Variants in TMED3 observed in about 807,000 individuals in gnomAD.
TMED3 encodes transmembrane emp24 domain-containing protein 3.
In TMED3, 9 loss-of-function variants were observed where a neutral mutation model predicts 15.0. The observed-to-expected ratio is 0.60, with a 90% CI of 0.36 to 1.04. The LOEUF (loss-of-function observed/expected upper bound fraction) is 1.04. Among genes scored for constraint, TMED3 ranks in the 50% least tolerant of loss-of-function variants. The pLI is 0.01. For missense variants in TMED3, 267 were observed against 278.9 expected (o/e 0.96, Z 0.30); for synonymous variants, 117 against 121.4 (o/e 0.96, Z 0.24).
chr15:79,312,593 A>C (rs2058720535), intron 1 of TMED3, among the ~76,000 whole-genome samples: 1 of 152,166 alleles, frequency 6.6e-6, no homozygotes, highest in African/African-American at 2.4e-5. Context: ...AAGCAGATGG[A>C]GGCCATTGAC....
intron 2 of TMED3, among the ~76,000 whole-genome samples, chr15:79,354,798 G>A (rs1418402314): frequency 6.6e-6 from 1 of 152,222 alleles, no homozygotes; most frequent in South Asian, 2.1e-4. Flanking sequence ...TCCCTGTGGG[G>A]GCCCAAGCTC....
chr15:79,355,465 A>G (rs1250506860), intron 2 of TMED3, among the ~76,000 whole-genome samples: 1 of 152,204 alleles, frequency 6.6e-6, no homozygotes, highest in Non-Finnish European at 1.5e-5. Flanking sequence ...GGAGTGACTC[A>G]GCCAGAAAGA....
At chr15:79,361,320 G>T (rs1198676635) in intron 2 of TMED3, among the ~76,000 whole-genome samples, 1 of 152,154 alleles carries the variant, frequency 6.6e-6, no homozygotes, top group Non-Finnish European at 1.5e-5. Context: ...TTTTTGTGAG[G>T]ATTAAGTGAG....
Position 79,328,337 on chromosome 15 carries a change from T to TA in TMED3, c.417+14341dup, listed in dbSNP as rs1239952932. ...TATATTTGAGTTGCATTTTTAATTG[T>TA]AAAAAAAAATTAAAAACCCCATTTT... On this transcript the variant is annotated intron_variant, in intron 2 of 2. Coordinates refer to the TMED3 transcript ENST00000424155. Among the ~76,000 whole-genome samples, 9 of 132,300 alleles carry TA rather than the reference T, an allele frequency of 6.8e-5. No homozygotes were observed. The East Asian group carries it at 1.2e-3, about 18-fold the overall frequency. 86.8% of individuals were successfully genotyped at this position (132,300 alleles called of 152,430 possible). A position where few individuals can be genotyped will look rare whatever the true frequency, so the allele number is the denominator to read the frequency against.
At chr15:79,350,749 A>G (rs1241316307) in intron 2 of TMED3, among the ~76,000 whole-genome samples, 7 of 152,182 alleles carry the variant, frequency 4.6e-5, no homozygotes, top group African/African-American at 1.4e-4. Context: ...TTGACACTCA[A>G]TATTAACCAT....
At chr15:79,411,250 A>G (rs1567042218) in intron 2 of TMED3, 4 of 541,094 alleles carry the variant, frequency 7.4e-6, no homozygotes. Context: ...CTAGGGGAGG[A>G]TAATTAGAGC....
At chr15:79,311,479 T>G in intron 1 of TMED3, 62 bp downstream of exon 1, 1 of 1,527,876 alleles carries the variant, frequency 6.5e-7, no homozygotes, top group Non-Finnish European at 8.8e-7. Flanking sequence ...ACCTGGACAC[T>G]GGCTAGCCCC....
At chr15:79,328,733 G>A (rs1316234810) in intron 2 of TMED3, among the ~76,000 whole-genome samples, 2 of 152,236 alleles carry the variant, frequency 1.3e-5, no homozygotes, top group Admixed American at 6.5e-5. Context: ...GCCTGCATCT[G>A]AGGAACTCTC....
chr15:79,311,529 G>A, intron 1 of TMED3, 112 bp downstream of exon 1: 1 of 1,336,442 alleles, frequency 7.5e-7, no homozygotes, highest in South Asian at 1.5e-5. Context: ...CTACAGGGAG[G>A]CTGCATGGGG....
At chr15:79,380,922 T>G (rs1029477031) in intron 2 of TMED3, among the ~76,000 whole-genome samples, 1 of 152,194 alleles carries the variant, frequency 6.6e-6, no homozygotes, top group African/African-American at 2.4e-5. Context: ...TCCTGCAGTT[T>G]TTTTACAGCT....
At chr15:79,352,080 G>C (rs1242459189) in intron 2 of TMED3, among the ~76,000 whole-genome samples, 1 of 151,602 alleles carries the variant, frequency 6.6e-6, no homozygotes, top group Non-Finnish European at 1.5e-5. Flanking sequence ...AAGAGTAGGA[G>C]GGGGGTGAGG....
intron 2 of TMED3, among the ~76,000 whole-genome samples, chr15:79,369,979 G>T (rs1303414940): frequency 6.6e-6 from 1 of 152,242 alleles, no homozygotes; most frequent in Non-Finnish European, 1.5e-5. Context: ...TAGTGGGCAT[G>T]CTTTGGTTTA....
rs2058770162 is a variant in TMED3, at chr15:79,322,123, T to C, written c.563T>C (p.Ile188Thr). The stretch of plus-strand genomic sequence containing the variant: ...TCTTACTGGTCTGTTGGCGAGACGA[T>C]TGCCCTGTTCGTGGTCAGCTTCAGT... ...RVSYWSVGET[I>T]ALFVVSFSQV... Residue 188 changes from isoleucine to threonine, a missense_variant, in exon 3 of 3, where the codon ATT (isoleucine) becomes ACT (threonine). This residue lies in a region of TMED3 where 139 missense variants were observed against 125.0 expected (regional missense o/e 1.11). Coordinates refer to ENST00000299705, the MANE Select transcript of TMED3 (RefSeq NM_007364.4). The C allele has an allele frequency of 6.2e-7, 1 of 1,614,200 alleles. No individual in the cohort carries two copies. The highest frequency in any genetic ancestry group is 1.1e-5 in the South Asian group (1 of 91,088).
chr15:79,386,258 T>C (rs895128263), intron 2 of TMED3, among the ~76,000 whole-genome samples: 5 of 152,194 alleles, frequency 3.3e-5, no homozygotes, highest in African/African-American at 4.8e-5. Flanking sequence ...CACTTAAAAA[T>C]GGTTATGAGG....
At chr15:79,409,548 G>A (rs971696818) in intron 2 of TMED3, among the ~76,000 whole-genome samples, 4 of 152,184 alleles carry the variant, frequency 2.6e-5, no homozygotes, top group African/African-American at 4.8e-5. Context: ...TTCCCAGTGT[G>A]AGCCTTAATT....
At chr15:79,404,965 A>G (rs922250562) in intron 2 of TMED3, among the ~76,000 whole-genome samples, 2 of 152,226 alleles carry the variant, frequency 1.3e-5, no homozygotes, top group African/African-American at 4.8e-5. Flanking sequence ...GGCCACGGGT[A>G]TAAGTTGAGG....
chr15:79,410,945 C>A (rs1893970841), intron 2 of TMED3, among the ~76,000 whole-genome samples: 1 of 152,086 alleles, frequency 6.6e-6, no homozygotes, highest in African/African-American at 2.4e-5. Context: ...TGTCTTTTGA[C>A]CCCTGATGTC....
At chr15:79,321,138 G>C (rs756688304) in intron 2 of TMED3, among the ~76,000 whole-genome samples, 12 of 152,206 alleles carry the variant, frequency 7.9e-5, no homozygotes, top group Non-Finnish European at 1.3e-4. Context: ...CCTGGCGTCT[G>C]AGGGCTCCTG....
At chr15:79,318,519 C>G (rs1305384332) in intron 2 of TMED3, among the ~76,000 whole-genome samples, 1 of 152,166 alleles carries the variant, frequency 6.6e-6, no homozygotes, top group Non-Finnish European at 1.5e-5. Flanking sequence ...TTGTGATTTT[C>G]CAGGGATCAC....
Sources: gnomAD v4.1 joint callset for allele counts (sites outside exome capture counted in the v4.1 genomes callset) on GRCh38, gnomAD v4.1.1 for gene constraint, gnomAD v4.1.1 regional missense constraint, MANE v1.5 for transcripts, NCBI Gene and HGNC (gene_info 2026-07-23, HGNC 2026-07-21) for gene names.